P4HA1: variants seen among roughly 807,000 people sequenced by gnomAD.
P4HA1 encodes the protein prolyl 4-hydroxylase subunit alpha 1, also known as prolyl 4-hydroxylase subunit alpha-1.
Under a neutral mutation model 72.8 loss-of-function variants are expected in P4HA1, and 24 were observed. The ratio of observed to expected loss-of-function variants is 0.33; its 90% CI spans 0.24 to 0.46. The LOEUF (loss-of-function observed/expected upper bound fraction) is 0.46, where lower values mean the gene tolerates loss of function less well. Among genes scored for constraint, P4HA1 ranks in the 20% least tolerant of loss-of-function variants. The pLI is 1.00. For missense variants in P4HA1, 446 were observed against 640.6 expected (o/e 0.70, Z 3.28); for synonymous variants, 201 against 218.8 (o/e 0.92, Z 0.72).
At position 73,051,112 on chromosome 10, in the gene P4HA1, C is replaced by T; in HGVS notation, c.841G>A (p.Asp281Asn). The T allele has an allele frequency of 6.2e-7, 1 of 1,614,144 alleles. No homozygotes were observed. ...TACTTCTGTCTCTCTGGCAGGTAAT[C>T]CACAGCAACCCCTTTTTTCTTTGGT... ...TTPKKKGVAV[D>N]YLPERQKYEM... Residue 281 changes from aspartate to asparagine, a missense_variant, in exon 7 of 15, where the codon GAT becomes AAT. Physicochemically the swap from Asp to Asn is conservative, Grantham distance 23 (BLOSUM62 1). Coordinates refer to ENST00000394890, the MANE Select transcript of P4HA1 (RefSeq NM_001017962.3).
intron 6 of P4HA1, among the ~76,000 whole-genome samples, chr10:73,052,101 G>A (rs184784481): frequency 6.6e-6 from 1 of 151,780 alleles, no homozygotes; most frequent in East Asian, 1.9e-4. Flanking sequence ...CGAATAAGCT[G>A]GAATCCACTA....
chr10:73,029,057 C>T (rs1206361306), intron 10 of P4HA1, among the ~76,000 whole-genome samples: 1 of 151,830 alleles, frequency 6.6e-6, no homozygotes, highest in Non-Finnish European at 1.5e-5. Context: ...TGAAAAGAAG[C>T]AAAAGTATCA....
Position 73,030,352 on chromosome 10 carries a change from A to G in P4HA1, c.1167T>C (p.Tyr389=). Residue 389 remains tyrosine, a synonymous_variant, in exon 10 of 15, where the codon TAT becomes TAC. Coordinates refer to ENST00000394890, the MANE Select transcript of P4HA1 (RefSeq NM_001017962.3). ...RISKSAWLSG[Y]ENPVVSRINM... ...TAATTCGAGACACCACAGGATTTTC[A>G]TAGCCAGAGAGCCAGGCACTAAGAA... 6.4e-7 allele frequency: 1 copy of G among 1,568,290 alleles called. No homozygotes were observed.
intron 9 of P4HA1, among the ~76,000 whole-genome samples, chr10:73,044,773 C>T (rs185331316): frequency 6.6e-6 from 1 of 152,188 alleles, no homozygotes; most frequent in East Asian, 1.9e-4. Context: ...AAATAACATA[C>T]CAATTAAAGG....
At chr10:73,096,105 G>C (rs1363604188) in intron 1 of P4HA1, among the ~76,000 whole-genome samples, 2 of 152,236 alleles carry the variant, frequency 1.3e-5, no homozygotes, top group Non-Finnish European at 2.9e-5. Flanking sequence ...CCCTGACGAC[G>C]AGGTGACCTG....
chr10:73,049,128 A>AAAAAAAAAAAG (rs144626644), intron 7 of P4HA1, among the ~76,000 whole-genome samples: 3 of 151,000 alleles, frequency 2.0e-5, no homozygotes, highest in African/African-American at 4.9e-5. Context: ...GAGAAAAAAA[A>AAAAAAAAAAAG]AAGAAAATAA....
rs201103766 is a variant in P4HA1 at position 73,044,970 on chromosome 10, A to G, written c.1148+11T>C. 41 of 1,605,476 alleles carry G rather than the reference A, an allele frequency of 2.6e-5. No individual in the cohort carries two copies. The African/African-American group carries it at 4.1e-4, about 16-fold the overall frequency. Reference sequence around the variant, plus strand: ...TTAGAGGGCAAAATATGCAGCATACACATCTCTTACCTTTTGCTAATTCTG... The same window carrying G: ...TTAGAGGGCAAAATATGCAGCATACGCATCTCTTACCTTTTGCTAATTCTG... On this transcript the variant is annotated intron_variant, in intron 9 of 14. Coordinates refer to ENST00000394890, the MANE Select transcript of P4HA1 (RefSeq NM_001017962.3).
intron 1 of P4HA1, among the ~76,000 whole-genome samples, chr10:73,084,466 T>A (rs1027135545): frequency 3.9e-5 from 6 of 152,264 alleles, no homozygotes; most frequent in South Asian, 4.1e-4. Context: ...GCCAATTTTT[T>A]AAATTTCTTT....
chr10:73,008,116 A>G lies in P4HA1; in HGVS notation c.*106T>C, dbSNP rs1004674227. On this transcript the variant is annotated 3_prime_UTR_variant, in exon 15 of 15. Transcript: ENST00000394890. ...TGGGATGAGGTTCATGACTGAATCA[A>G]TCATGGAGTGTTAGTCAATTGTAAA... 8 of 672,054 alleles carry G rather than the reference A, an allele frequency of 1.2e-5. No individual in the cohort carries two copies. The highest frequency in any genetic ancestry group is 5.3e-5 in the African/African-American group (3 of 56,086). The allele number at this position is 672,054 out of a possible 1,614,324, so 41.6% of individuals were successfully genotyped here. A position where few individuals can be genotyped will look rare whatever the true frequency, so the allele number is the denominator to read the frequency against.
intron 9 of P4HA1, among the ~76,000 whole-genome samples, chr10:73,031,056 T>C (rs1840422034): frequency 6.9e-6 from 1 of 145,830 alleles, no homozygotes; most frequent in African/African-American, 2.7e-5. Context: ...TACAATAACT[T>C]GTACAGAATT....
intron 9 of P4HA1, among the ~76,000 whole-genome samples, chr10:73,031,500 A>C (rs1840431957): frequency 6.6e-6 from 1 of 152,214 alleles, no homozygotes; most frequent in South Asian, 2.1e-4. Context: ...ACATGCTACA[A>C]CATGGATGGA....
In P4HA1 at chr10:73,093,907, T is replaced by TATATAC. The variant is rs1256283876; in HGVS notation, c.-33+2858_-33+2859insGTATAT. ...ATATATATATATATATATATATATA[T>TATATAC]ACACACACACACACACACACATACT... On this transcript the variant is annotated intron_variant, in intron 1 of 14. Coordinates refer to ENST00000394890, the MANE Select transcript of P4HA1 (RefSeq NM_001017962.3). Among the ~76,000 whole-genome samples the TATATAC allele has an allele frequency of 5.1e-3, 281 of 55,430 alleles. 2 individuals carry two copies. The highest frequency in any genetic ancestry group is 9.0e-3 in the East Asian group (12 of 1,330). 36.4% of individuals were successfully genotyped at this position (55,430 alleles called of 152,430 possible).
intron 6 of P4HA1, 136 bp downstream of exon 6, chr10:73,053,215 T>C (rs557049252): frequency 2.6e-6 from 2 of 774,972 alleles, no homozygotes; most frequent in African/African-American, 1.8e-5. Context: ...AAGAGAATAA[T>C]GTATATTTAA....
At chr10:73,050,624 C>A (rs1490123606) in intron 7 of P4HA1, among the ~76,000 whole-genome samples, 4 of 150,422 alleles carry the variant, frequency 2.7e-5, no homozygotes, top group South Asian at 2.1e-4. Flanking sequence ...CGCTTGAACC[C>A]AAGAGGCGGA....
chr10:73,090,833 GATGGATC>G (rs979408484), intron 1 of P4HA1, among the ~76,000 whole-genome samples: 6 of 152,180 alleles, frequency 3.9e-5, no homozygotes, highest in Middle Eastern at 3.4e-3. Flanking sequence ...GGCCGAGGCT[GATGGATC>G]ACCCCCGGTC....
At chr10:73,023,572 G>C (rs1840188482) in intron 10 of P4HA1, among the ~76,000 whole-genome samples, 1 of 152,176 alleles carries the variant, frequency 6.6e-6, no homozygotes, top group Non-Finnish European at 1.5e-5. Context: ...TCGATGCTAT[G>C]AAGAAACCGC....
chr10:73,015,627 TAG>T (rs1179220692), intron 11 of P4HA1, among the ~76,000 whole-genome samples: 4 of 152,206 alleles, frequency 2.6e-5, no homozygotes, highest in African/African-American at 9.6e-5. Flanking sequence ...TGTGGAGATT[TAG>T]AGTTTATGCC....
intron 4 of P4HA1, 124 bp from the exon 5 acceptor site, chr10:73,069,107 A>G: frequency 1.5e-6 from 1 of 680,616 alleles, no homozygotes; most frequent in Non-Finnish European, 2.4e-6. Flanking sequence ...AAAGTTCTAC[A>G]TACTCAACAA....
At chr10:73,033,113 T>G (rs552626312) in intron 9 of P4HA1, among the ~76,000 whole-genome samples, 1 of 152,234 alleles carries the variant, frequency 6.6e-6, no homozygotes. Flanking sequence ...TATATGTCAA[T>G]GTACCTGTCT....
Sources: gnomAD v4.1 joint callset for allele counts (sites outside exome capture counted in the v4.1 genomes callset) on GRCh38, gnomAD v4.1.1 for gene constraint, MANE v1.5 for transcripts, NCBI Gene and HGNC (gene_info 2026-07-23, HGNC 2026-07-21) for gene names.